SYTL2: variants seen among roughly 807,000 people sequenced by gnomAD.
SYTL2 encodes the protein synaptotagmin like 2.
Under a neutral mutation model 198.7 loss-of-function variants are expected in SYTL2, and 165 were observed. The observed-to-expected ratio is 0.83, with a 90% confidence interval of 0.73 to 0.94. The LOEUF is 0.94. Among genes scored for constraint, SYTL2 ranks in the 40% least tolerant of loss-of-function variants. The probability of loss-of-function intolerance (pLI) is 0.00; values close to 1 mark genes in which losing one functional copy is unlikely to be tolerated. For synonymous variants in SYTL2, 966 were observed against 917.7 expected (o/e 1.05, Z -0.95); for missense variants, 2,835 against 2,582.8 (o/e 1.10, Z -2.12).
intron 1 of SYTL2, among the ~76,000 whole-genome samples, chr11:85,809,820 T>C (rs2093006860): frequency 6.6e-6 from 1 of 152,208 alleles, no homozygotes; most frequent in African/African-American, 2.4e-5. Flanking sequence ...GGTTCTGCAA[T>C]CTGATTTCAC....
chr11:85,790,011 T>C (rs2092706991), intron 1 of SYTL2, among the ~76,000 whole-genome samples: 2 of 152,278 alleles, frequency 1.3e-5, no homozygotes, highest in South Asian at 2.1e-4. Context: ...TTTGGAATAT[T>C]TGCATATATA....
rs183347953 is a variant in SYTL2, at chr11:85,704,555, C to T, written c.6189+303G>A. Among the ~76,000 whole-genome samples, 108 of 152,258 alleles carry T rather than the reference C, an allele frequency of 7.1e-4. 1 individual carries two copies. The highest frequency in any genetic ancestry group is 2.3e-3 in the African/African-American group (97 of 41,566). On this transcript the variant is annotated intron_variant, in intron 16 of 19. Coordinates refer to ENST00000359152, the MANE Select transcript of SYTL2 (RefSeq NM_206927.4). ...TTACATCCTTTAATCATTGAATACA[C>T]TTTGGTCTCAAGTAACACATGGAAC... is the stretch of plus-strand genomic sequence containing the variant.
At chr11:85,782,403 G>A (rs776241907) in intron 1 of SYTL2, among the ~76,000 whole-genome samples, 5 of 152,128 alleles carry the variant, frequency 3.3e-5, no homozygotes, top group Admixed American at 2.6e-4. Flanking sequence ...TGTGATGGGT[G>A]GGGGGGCTGC....
At chr11:85,702,004 A>C (rs1262938505) in intron 16 of SYTL2, among the ~76,000 whole-genome samples, 1 of 152,170 alleles carries the variant, frequency 6.6e-6, no homozygotes, top group Non-Finnish European at 1.5e-5. Context: ...TAGCAGTTTC[A>C]TGAGGCTGGG....
chr11:85,820,085 A>G, the SYTL2 span, among the ~76,000 whole-genome samples: 2 of 152,198 alleles, frequency 1.3e-5, no homozygotes, highest in African/African-American at 4.8e-5. Context: ...ATTTTCATCA[A>G]TGCCTATTTG....
intron 11 of SYTL2, 52 bp from the exon 12 acceptor site, chr11:85,714,559 A>T (rs186006757): frequency 1.3e-6 from 2 of 1,583,138 alleles, no homozygotes; most frequent in Non-Finnish European, 1.7e-6. Context: ...GTCAGAAAAC[A>T]TTAGACATTA....
chr11:85,768,183 G>A (rs1294884446), intron 1 of SYTL2, among the ~76,000 whole-genome samples: 1 of 152,180 alleles, frequency 6.6e-6, no homozygotes, highest in Non-Finnish European at 1.5e-5. Context: ...CACTAAAGAT[G>A]CACTGAGCTC....
chr11:85,825,259 G>T, the SYTL2 span, among the ~76,000 whole-genome samples: 1 of 151,248 alleles, frequency 6.6e-6, no homozygotes, highest in Non-Finnish European at 1.5e-5. Flanking sequence ...GTAGTGGCGG[G>T]CGCCTGTAGT....
chr11:85,830,916 G>A, the SYTL2 span, among the ~76,000 whole-genome samples: 1 of 152,220 alleles, frequency 6.6e-6, no homozygotes, highest in South Asian at 2.1e-4. Flanking sequence ...TCTTGCATTA[G>A]GGTCAGCTTT....
chr11:85,796,337 C>T (rs1274038584), intron 1 of SYTL2, among the ~76,000 whole-genome samples: 1 of 152,146 alleles, frequency 6.6e-6, no homozygotes, highest in Non-Finnish European at 1.5e-5. Flanking sequence ...ACCATAGAAA[C>T]TTAACACGAT....
the SYTL2 span, among the ~76,000 whole-genome samples, chr11:85,827,266 C>T: frequency 2.6e-4 from 40 of 152,304 alleles, no homozygotes; most frequent in Non-Finnish European, 5.6e-4. Flanking sequence ...CTCTGAGGCC[C>T]CTAGGTGGAC....
At chr11:85,791,166 C>CAAAAAAAAAAAAAAAAAAAAAAAAAAAAA (rs568061365) in intron 1 of SYTL2, among the ~76,000 whole-genome samples, 1 of 39,532 alleles carries the variant, frequency 2.5e-5, no homozygotes, top group Admixed American at 4.7e-4. Flanking sequence ...GAGTCTGCCT[C>CAAAAAAAAAAAAAAAAAAAAAAAAAAAAA]AAAAAAAAAA....
chr11:85,845,723 ACAG>A, the SYTL2 span, among the ~76,000 whole-genome samples: 1 of 152,192 alleles, frequency 6.6e-6, no homozygotes, highest in African/African-American at 2.4e-5. Flanking sequence ...CCTGGCTAGC[ACAG>A]TGAAACCTGG....
At chr11:85,833,785 T>C in the SYTL2 span, among the ~76,000 whole-genome samples, 6 of 149,548 alleles carry the variant, frequency 4.0e-5, no homozygotes, top group African/African-American at 1.2e-4. Context: ...GGCTGTAGTG[T>C]TGTAGTGTAG....
At chr11:85,853,301 T>C in the SYTL2 span, 1 of 442,660 alleles carries the variant, frequency 2.3e-6, no homozygotes, top group South Asian at 1.6e-5. Flanking sequence ...GGAGACTCCA[T>C]TTTGTTCTGT....
the SYTL2 span, among the ~76,000 whole-genome samples, chr11:85,832,485 A>G: frequency 1.3e-5 from 2 of 152,204 alleles, no homozygotes; most frequent in African/African-American, 4.8e-5. Flanking sequence ...AAAGTTCCCA[A>G]AAACAGTAAC....
intron 1 of SYTL2, among the ~76,000 whole-genome samples, chr11:85,768,132 C>T (rs2092283065): frequency 6.6e-6 from 1 of 152,192 alleles, no homozygotes. Flanking sequence ...TCAGCCTAGT[C>T]CCAGACCTGC....
chr11:85,780,046 C>T (rs959344788), intron 1 of SYTL2, among the ~76,000 whole-genome samples: 3 of 152,168 alleles, frequency 2.0e-5, no homozygotes, highest in Non-Finnish European at 2.9e-5. Flanking sequence ...CTCCTTCTGA[C>T]GATAAAATGC....
intron 1 of SYTL2, among the ~76,000 whole-genome samples, chr11:85,797,415 G>A (rs544802597): frequency 3.6e-4 from 55 of 152,118 alleles, no homozygotes; most frequent in African/African-American, 1.3e-3. Context: ...ATCCCTTGAG[G>A]TCAGGAATTC....
Sources: allele counts gnomAD v4.1 joint callset (sites outside exome capture counted in the v4.1 genomes callset), GRCh38; gene constraint gnomAD v4.1.1; transcripts MANE v1.5; gene names NCBI Gene and HGNC (gene_info 2026-07-23, HGNC 2026-07-21).